Variants in RB1CC1 observed in about 807,000 individuals in gnomAD.
RB1CC1 encodes RB1-inducible coiled-coil protein 1.
Under a neutral mutation model 177.5 loss-of-function variants are expected in RB1CC1, and 46 were observed. The ratio of observed to expected loss-of-function variants is 0.26; its 90% CI spans 0.20 to 0.33. The LOEUF (loss-of-function observed/expected upper bound fraction) is 0.33. Among genes scored for constraint, RB1CC1 ranks in the 10% least tolerant of loss-of-function variants. The pLI, the probability that RB1CC1 is intolerant of heterozygous loss-of-function variation, is 1.00. For missense variants in RB1CC1, 1,703 were observed against 1,816.3 expected, an observed-to-expected ratio of 0.94 and a Z score of 1.13; for synonymous variants, 666 against 613.6, an observed-to-expected ratio of 1.09 and a Z score of -1.26.
chr8:52,659,020 A>G (rs1465784656), intron 12 of RB1CC1, 44 bp from the exon 13 acceptor site: 1 of 1,032,538 alleles, frequency 9.7e-7, no homozygotes, highest in Non-Finnish European at 1.4e-6. Flanking sequence ...TTTTTCAACC[A>G]AAAACAGACA....
intron 15 of RB1CC1, among the ~76,000 whole-genome samples, chr8:52,652,654 T>C (rs780311807): frequency 1.1e-4 from 17 of 152,174 alleles, no homozygotes; most frequent in Non-Finnish European, 2.1e-4. Flanking sequence ...GCCACTGTTC[T>C]TGTTTTTCAC....
intron 3 of RB1CC1, among the ~76,000 whole-genome samples, chr8:52,684,487 A>T (rs941814902): frequency 1.3e-5 from 2 of 152,220 alleles, no homozygotes; most frequent in Non-Finnish European, 2.9e-5. Flanking sequence ...TTTATTCTGC[A>T]TTGCCATAAA....
intron 16 of RB1CC1, 112 bp downstream of exon 16, chr8:52,645,590 G>A: frequency 9.0e-7 from 1 of 1,116,682 alleles, no homozygotes; most frequent in South Asian, 1.7e-5. Flanking sequence ...ATCAATGTAA[G>A]GAACATCACA....
intron 15 of RB1CC1, among the ~76,000 whole-genome samples, chr8:52,652,244 A>G (rs1850659893): frequency 6.6e-6 from 1 of 152,114 alleles, no homozygotes; most frequent in Non-Finnish European, 1.5e-5. Flanking sequence ...AGGTGGGCAG[A>G]TCACAAGGTC....
rs769398512 is a variant in RB1CC1 at position 52,642,579 on chromosome 8, G to A, written c.4109C>T (p.Ser1370Leu). 10 of 1,613,660 alleles carry A rather than the reference G, an allele frequency of 6.2e-6. No individual in the cohort carries two copies. Among genetic ancestry groups the A allele is most frequent in the Admixed American group, 3.3e-5 (2 of 59,992 alleles). Residue 1370 changes from serine to leucine, a missense_variant, in exon 18 of 24, where the codon TCA (serine) becomes TTA (leucine). Ser to Leu is a moderately radical substitution (Grantham distance 145). Around this residue, in one of 6 missense-constraint regions of RB1CC1, gnomAD observed 1,169 missense variants for 1,184.7 expected, o/e 0.99. Transcript: ENST00000025008. ...QQERDKDLIE[S>L]LSEDRARLLE... is the part of the protein sequence containing the mutation. ...CAAACGAGCTCGATCTTCAGAAAGT[G>A]ACTCTATCAAATCTGAAGGACACCC... is the stretch of plus-strand genomic sequence containing the variant.
At chr8:52,699,865 A>AC (rs1180747782) in intron 1 of RB1CC1, among the ~76,000 whole-genome samples, 6 of 143,148 alleles carry the variant, frequency 4.2e-5, no homozygotes, top group African/African-American at 1.5e-4. Context: ...ATATACACAC[A>AC]AAAACAAAAG....
chr8:52,627,912 T>C lies in RB1CC1; in HGVS notation c.4636+120A>G, dbSNP rs964936257. 5.8e-5 allele frequency: 48 copies of C among 824,816 alleles called. No individual in the cohort carries two copies. The African/African-American group carries it at 7.6e-4, about 13-fold the overall frequency. The allele number at this position is 824,816 out of a possible 1,614,324, so 51.1% of individuals were successfully genotyped here. A position where few individuals can be genotyped will look rare whatever the true frequency, so the allele number is the denominator to read the frequency against. ...AATACAGATTTTATAAAAAAGCAGA[T>C]TACACAGGGTTCCCTCTTAGTGACT... On this transcript the variant is annotated intron_variant, in intron 22 of 23. Coordinates refer to ENST00000025008, the MANE Select transcript of RB1CC1 (RefSeq NM_014781.5).
chr8:52,646,964 T>C (rs1213691068), intron 15 of RB1CC1, among the ~76,000 whole-genome samples: 1 of 152,178 alleles, frequency 6.6e-6, no homozygotes, highest in African/African-American at 2.4e-5. Context: ...CAGGTCAATT[T>C]TTAGGCTTAA....
At chr8:52,627,934 G>T in intron 22 of RB1CC1, 98 bp downstream of exon 22, 1 of 1,093,542 alleles carries the variant, frequency 9.1e-7, no homozygotes, top group Non-Finnish European at 1.3e-6. Context: ...CCCTCTTAGT[G>T]ACTTAATTCT....
chr8:52,696,457 C>G (rs1855421895), intron 1 of RB1CC1, among the ~76,000 whole-genome samples: 1 of 152,012 alleles, frequency 6.6e-6, no homozygotes, highest in South Asian at 2.1e-4. Flanking sequence ...AGCAAGACAG[C>G]TAACAAAGAC....
rs1310585449 is a variant in RB1CC1 at position 52,630,579 on chromosome 8, C to T, written c.4441-51G>A. The T allele has an allele frequency of 1.3e-5, 20 of 1,508,238 alleles. No individual in the cohort carries two copies. The Admixed American group carries it at 3.6e-4, about 27-fold the overall frequency. The allele number at this position is 1,508,238 out of a possible 1,614,324, so 93.4% of individuals were successfully genotyped here. The stretch of plus-strand genomic sequence containing the variant: ...ACTTACACAATTTGAGTACCACATG[C>T]ATTCTTACTGCAAAAATTTCACCCA... On this transcript the variant is annotated intron_variant, in intron 20 of 23. Transcript: ENST00000025008.
intron 1 of RB1CC1, among the ~76,000 whole-genome samples, chr8:52,692,799 A>G (rs530017608): frequency 3.3e-5 from 5 of 152,314 alleles, no homozygotes; most frequent in African/African-American, 1.2e-4. Context: ...ACTAAATACA[A>G]TACAAAAAAA....
chr8:52,654,037 C>G (rs1239896092), intron 15 of RB1CC1, among the ~76,000 whole-genome samples: 2 of 152,180 alleles, frequency 1.3e-5, no homozygotes, highest in Admixed American at 1.3e-4. Flanking sequence ...AGGGAGGTTT[C>G]TACCATGTTC....
At chr8:52,658,271 T>C (rs1851261480) in intron 13 of RB1CC1, 147 bp from the exon 14 acceptor site, 1 of 1,033,038 alleles carries the variant, frequency 9.7e-7, no homozygotes, top group Non-Finnish European at 1.4e-6. Flanking sequence ...GAAGTTTGTG[T>C]CATAATCAGT....
chr8:52,647,544 A>T (rs1590959528), intron 15 of RB1CC1, among the ~76,000 whole-genome samples: 1 of 152,222 alleles, frequency 6.6e-6, no homozygotes, highest in Non-Finnish European at 1.5e-5. Context: ...AAAGAGACTC[A>T]GACTACTAAT....
At chr8:52,691,304 T>C (rs1255704570) in intron 1 of RB1CC1, among the ~76,000 whole-genome samples, 2 of 152,206 alleles carry the variant, frequency 1.3e-5, no homozygotes, top group Non-Finnish European at 2.9e-5. Flanking sequence ...GAAACTCCAA[T>C]AAGCTGTAGC....
chr8:52,671,405 C>T (rs191376864), intron 7 of RB1CC1, among the ~76,000 whole-genome samples: 102 of 152,244 alleles, frequency 6.7e-4, no homozygotes, highest in African/African-American at 2.4e-3. Context: ...AGTGCTACTG[C>T]GATCAGATAT....
At position 52,714,197 on chromosome 8, in the gene RB1CC1, C is replaced by T; in HGVS notation, c.-289G>A. The T allele has an allele frequency of 4.4e-6, 1 of 226,012 alleles. No individual in the cohort carries two copies. The highest frequency in any genetic ancestry group is 3.7e-5 in the South Asian group (1 of 26,924). The allele number at this position is 226,012 out of a possible 1,614,324, so 14.0% of individuals were successfully genotyped here. A position where few individuals can be genotyped will look rare whatever the true frequency, so the allele number is the denominator to read the frequency against. On this transcript the variant is annotated 5_prime_UTR_variant, in exon 1 of 24. Transcript: ENST00000025008. ...CGCCCATTCGGCACCGCTAAGCCGA[C>T]ACAACCGCCGGCGTCCCGGGCGCCC...
At position 52,688,198 on chromosome 8, in the gene RB1CC1, A is replaced by G. The variant is rs910751936; in HGVS notation, c.-166-1231T>C. ...TTGAAAAAGAGCAGAATTAACAGCGATTTTTAGGGAACAAGGGAAGACAAC... is the reference window on the plus strand; with the variant it reads ...TTGAAAAAGAGCAGAATTAACAGCGGTTTTTAGGGAACAAGGGAAGACAAC... On this transcript the variant is annotated intron_variant, in intron 1 of 23. Coordinates refer to ENST00000025008, the MANE Select transcript of RB1CC1 (RefSeq NM_014781.5). 3.2e-4 allele frequency among the ~76,000 whole-genome samples: 48 copies of G among 152,182 alleles called. 1 individual carries two copies. The highest frequency in any genetic ancestry group is 3.1e-3 in the Admixed American group (48 of 15,276).
Sources: gnomAD v4.1 joint callset for allele counts (sites outside exome capture counted in the v4.1 genomes callset) on GRCh38, gnomAD v4.1.1 for gene constraint, gnomAD v4.1.1 regional missense constraint, MANE v1.5 for transcripts, NCBI Gene and HGNC (gene_info 2026-07-23, HGNC 2026-07-21) for gene names.